Variants in AGBL4 observed in about 807,000 individuals in gnomAD.
The protein encoded by AGBL4 is AGBL carboxypeptidase 4.
A neutral mutation model predicts 66.4 loss-of-function variants in AGBL4; 58 were observed. That is an observed-to-expected ratio of 0.87 (90% CI 0.71 to 1.09). The LOEUF (loss-of-function observed/expected upper bound fraction) is 1.09. Among genes scored for constraint, AGBL4 ranks in the 50% least tolerant of loss-of-function variants. The probability of loss-of-function intolerance (pLI) is 0.00; values close to 1 mark genes in which losing one functional copy is unlikely to be tolerated. For synonymous variants in AGBL4, 234 were observed against 222.9 expected, an observed-to-expected ratio of 1.05 and a Z score of -0.44; for missense variants, 579 against 631.0, an observed-to-expected ratio of 0.92 and a Z score of 0.88.
chr1:49,890,317 G>T (rs917804077), intron 1 of AGBL4, among the ~76,000 whole-genome samples: 1 of 152,142 alleles, frequency 6.6e-6, no homozygotes. Context: ...ATAATTGAGT[G>T]CCAACTGCAA....
intron 11 of AGBL4, among the ~76,000 whole-genome samples, chr1:48,558,216 C>A (rs1644349173): frequency 1.3e-5 from 2 of 152,178 alleles, no homozygotes; most frequent in Non-Finnish European, 2.9e-5. Flanking sequence ...ATCACGCATC[C>A]TCGCTTTAAG....
chr1:49,738,578 T>C (rs1392438741), intron 2 of AGBL4, among the ~76,000 whole-genome samples: 1 of 152,148 alleles, frequency 6.6e-6, no homozygotes, highest in African/African-American at 2.4e-5. Flanking sequence ...AGCATGCAGC[T>C]AGAGATGTGA....
At chr1:49,722,360 A>T (rs2124689626) in intron 2 of AGBL4, among the ~76,000 whole-genome samples, 1 of 152,268 alleles carries the variant, frequency 6.6e-6, no homozygotes, top group Middle Eastern at 3.4e-3. Flanking sequence ...TCCAGCCTTC[A>T]GGCTTCTTTA....
At chr1:48,698,318 G>A (rs147734781) in intron 6 of AGBL4, among the ~76,000 whole-genome samples, 1 of 152,312 alleles carries the variant, frequency 6.6e-6, no homozygotes, top group East Asian at 1.9e-4. Context: ...CCAGAGCATG[G>A]GCCTGGCAGG....
intron 4 of AGBL4, among the ~76,000 whole-genome samples, chr1:49,125,391 G>T (rs1039647640): frequency 1.3e-5 from 2 of 152,008 alleles, no homozygotes; most frequent in African/African-American, 4.8e-5. Flanking sequence ...TAGTTGTATG[G>T]CCAGCAAATG....
chr1:49,175,473 G>GATAATAA (rs1321892545), intron 4 of AGBL4, among the ~76,000 whole-genome samples: 2 of 152,038 alleles, frequency 1.3e-5, no homozygotes, highest in African/African-American at 4.8e-5. Context: ...TCTAGAATAT[G>GATAATAA]ATAATAAATA....
intron 6 of AGBL4, among the ~76,000 whole-genome samples, chr1:48,839,916 T>C (rs1334792058): frequency 6.6e-6 from 1 of 152,140 alleles, no homozygotes; most frequent in African/African-American, 2.4e-5. Flanking sequence ...TATGTCTTTT[T>C]ATATAAGAAG....
chr1:49,097,580 G>A (rs1050678625), intron 4 of AGBL4, among the ~76,000 whole-genome samples: 2 of 152,208 alleles, frequency 1.3e-5, no homozygotes, highest in Non-Finnish European at 2.9e-5. Flanking sequence ...TTTGGCTCTA[G>A]ACAATTTTTT....
intron 6 of AGBL4, among the ~76,000 whole-genome samples, chr1:48,777,212 C>A (rs1386320979): frequency 6.6e-6 from 1 of 152,078 alleles, no homozygotes. Flanking sequence ...GAAAAAAATG[C>A]ATTGATTAAA....
chr1:48,708,329 G>A (rs1232208548), intron 6 of AGBL4, among the ~76,000 whole-genome samples: 1 of 152,200 alleles, frequency 6.6e-6, no homozygotes, highest in African/African-American at 2.4e-5. Context: ...TGGAAGGGTT[G>A]TGTCAGGGAC....
At chr1:49,722,830 C>T (rs1264895049) in intron 2 of AGBL4, among the ~76,000 whole-genome samples, 1 of 152,076 alleles carries the variant, frequency 6.6e-6, no homozygotes, top group Non-Finnish European at 1.5e-5. Flanking sequence ...CTCACTCAGT[C>T]TGTAGTAACT....
At chr1:48,586,946 C>T (rs1369214238) in intron 11 of AGBL4, 58 bp downstream of exon 11, 1 of 1,602,810 alleles carries the variant, frequency 6.2e-7, no homozygotes, top group Non-Finnish European at 8.5e-7. Context: ...ACCTGTCAGA[C>T]TTGGATACTC....
In AGBL4 at chr1:49,239,162, TA is replaced by T. The variant is rs540692122; in HGVS notation, c.377+6607del. On this transcript the variant is annotated intron_variant, in intron 4 of 13. Coordinates refer to ENST00000371839, the MANE Select transcript of AGBL4 (RefSeq NM_032785.4). ...ATACTCTTAAGATACAAAATTGAAA[TA>T]AAAAAAAACATAGATCATTTTATGG... Among the ~76,000 whole-genome samples, 403 of 151,482 alleles carry T rather than the reference TA, an allele frequency of 2.7e-3. 1 individual carries two copies. The highest frequency in any genetic ancestry group is 3.5e-3 in the Non-Finnish European group (235 of 67,792).
intron 3 of AGBL4, among the ~76,000 whole-genome samples, chr1:49,627,080 C>T (rs1458016277): frequency 6.6e-6 from 1 of 152,060 alleles, no homozygotes; most frequent in Non-Finnish European, 1.5e-5. Context: ...AAACAGCAAC[C>T]ACTAGGGTTA....
At chr1:49,693,399 T>C (rs926839564) in intron 3 of AGBL4, among the ~76,000 whole-genome samples, 2 of 152,170 alleles carry the variant, frequency 1.3e-5, no homozygotes, top group African/African-American at 4.8e-5. Context: ...AAAGAGCTAT[T>C]AATATTTTAT....
chr1:49,457,572 C>T (rs1414055837), intron 3 of AGBL4, among the ~76,000 whole-genome samples: 5 of 151,788 alleles, frequency 3.3e-5, no homozygotes, highest in African/African-American at 1.2e-4. Context: ...TAACTCGGTT[C>T]CATCTTTTTA....
chr1:49,877,301 T>C (rs1274237542), intron 1 of AGBL4, among the ~76,000 whole-genome samples: 2 of 151,470 alleles, frequency 1.3e-5, no homozygotes, highest in South Asian at 2.1e-4. Context: ...GGGTTTGTCA[T>C]AGATAGCTCT....
intron 2 of AGBL4, among the ~76,000 whole-genome samples, chr1:49,764,308 T>TA (rs2147869023): frequency 6.6e-6 from 1 of 152,194 alleles, no homozygotes; most frequent in South Asian, 2.1e-4. Flanking sequence ...CAGTTGCCCC[T>TA]AGCCCTCCCG....
intron 6 of AGBL4, among the ~76,000 whole-genome samples, chr1:48,821,594 G>A (rs576610169): frequency 6.6e-6 from 1 of 152,242 alleles, no homozygotes; most frequent in African/African-American, 2.4e-5. Flanking sequence ...GACTCCAAAA[G>A]CTGCGAGAGT....
Sources: gnomAD v4.1 joint callset for allele counts (sites outside exome capture counted in the v4.1 genomes callset) on GRCh38, gnomAD v4.1.1 for gene constraint, MANE v1.5 for transcripts, NCBI Gene and HGNC (gene_info 2026-07-23, HGNC 2026-07-21) for gene names.